Variants in NDFIP1 observed in about 807,000 individuals in gnomAD.
NDFIP1 encodes the protein NEDD4 family-interacting protein 1.
Under a neutral mutation model 28.8 loss-of-function variants are expected in NDFIP1, and 7 were observed. That is an observed-to-expected ratio of 0.24 (90% CI 0.14 to 0.46). The LOEUF (loss-of-function observed/expected upper bound fraction) is 0.46, where lower values mean the gene tolerates loss of function less well. Ranked by LOEUF, NDFIP1 falls within the 20% of genes least tolerant of loss-of-function variation. The pLI is 0.99. For synonymous variants in NDFIP1, 92 were observed against 101.0 expected (o/e 0.91, Z 0.53); for missense variants, 194 against 269.1 (o/e 0.72, Z 1.95).
At chr5:142,129,925 A>G (rs1158512095) in intron 1 of NDFIP1, among the ~76,000 whole-genome samples, 1 of 149,166 alleles carries the variant, frequency 6.7e-6, no homozygotes, top group African/African-American at 2.4e-5. Context: ...AAAAAAAAAA[A>G]AAAAAGAAAG....
intron 1 of NDFIP1, among the ~76,000 whole-genome samples, chr5:142,109,246 C>G (rs1167137938): frequency 1.3e-5 from 2 of 152,158 alleles, no homozygotes; most frequent in Admixed American, 6.5e-5. Context: ...AGGTGGGACT[C>G]CGGCGGTGGA....
intron 1 of NDFIP1, among the ~76,000 whole-genome samples, chr5:142,118,489 C>G (rs1388928237): frequency 6.6e-6 from 1 of 152,180 alleles, no homozygotes; most frequent in Non-Finnish European, 1.5e-5. Context: ...GTTCTCATCA[C>G]ATCATATCAA....
rs1200501423 is a variant in NDFIP1 at position 142,153,581 on chromosome 5, G to A, written c.*1853G>A. The A allele has an allele frequency of 7.2e-6, 2 of 278,504 alleles. No homozygotes were observed. The highest frequency in any genetic ancestry group is 7.1e-5 in the South Asian group (2 of 28,106). 17.3% of individuals were successfully genotyped at this position (278,504 alleles called of 1,614,324 possible). On this transcript the variant is annotated 3_prime_UTR_variant, in exon 8 of 8. Coordinates refer to ENST00000253814, the MANE Select transcript of NDFIP1 (RefSeq NM_030571.4). ...AGAAGTTATATTTGATAATAGAGAA[G>A]GGAGTTTTATGGAAGTTTCTTTGAA...
At chr5:142,138,942 G>A (rs1161749409) in intron 5 of NDFIP1, among the ~76,000 whole-genome samples, 4 of 151,618 alleles carry the variant, frequency 2.6e-5, no homozygotes, top group Non-Finnish European at 5.9e-5. Flanking sequence ...AATGGGCCGG[G>A]TGCGGTGGCT....
intron 7 of NDFIP1, among the ~76,000 whole-genome samples, chr5:142,146,535 G>A (rs1757391357): frequency 6.6e-6 from 1 of 152,082 alleles, no homozygotes; most frequent in Non-Finnish European, 1.5e-5. Flanking sequence ...CCTTATGAAG[G>A]GTGCTGAAAT....
rs1313448662 is a variant in NDFIP1, at chr5:142,112,397, G to A, written c.63+3360G>A. Among the ~76,000 whole-genome samples, 5 of 151,102 alleles carry A rather than the reference G, an allele frequency of 3.3e-5. No homozygotes were observed. In the South Asian group the frequency reaches 6.3e-4, roughly 19 times the overall value. On this transcript the variant is annotated intron_variant, in intron 1 of 7. Coordinates refer to ENST00000253814, the MANE Select transcript of NDFIP1 (RefSeq NM_030571.4). ...AGACTCTGTTTAAAAAAAAAAGCACGGTGTGGTGGTGCACATCTGTAACTC... is the reference window on the plus strand; with the variant it reads ...AGACTCTGTTTAAAAAAAAAAGCACAGTGTGGTGGTGCACATCTGTAACTC...
chr5:142,108,860 T>TGAGAAGAGCGTCTCGCCCGGGAGCGG lies in NDFIP1; in HGVS notation c.-115_-114insGAGAAGAGCGTCTCGCCCGGGAGCGG. On this transcript the variant is annotated 5_prime_UTR_variant, in exon 1 of 8. The change creates a new upstream start codon in the 5' untranslated region. Coordinates refer to ENST00000253814, the MANE Select transcript of NDFIP1 (RefSeq NM_030571.4). ...TCTCGCCCGGGAGCGGCGGCGGCCA[T>TGAGAAGAGCGTCTCGCCCGGGAGCGG]CGAGACCCACCCAAGGCGCGTCCCC... 3.3e-6 allele frequency: 3 copies of TGAGAAGAGCGTCTCGCCCGGGAGCGG among 910,802 alleles called. No individual in the cohort carries two copies. The highest frequency in any genetic ancestry group is 4.4e-6 in the Non-Finnish European group (3 of 675,320). The allele number at this position is 910,802 out of a possible 1,614,324, so 56.4% of individuals were successfully genotyped here. A position where few individuals can be genotyped will look rare whatever the true frequency, so the allele number is the denominator to read the frequency against.
Position 142,152,003 on chromosome 5 carries a change from A to G in NDFIP1, c.*275A>G, listed in dbSNP as rs1757451284. On this transcript the variant is annotated 3_prime_UTR_variant, in exon 8 of 8. Transcript: ENST00000253814. ...CTGTGATGTATTAATAATGCCTTAT[A>G]TATTGTTTGTAGTCATTTTAAGTAG... is the stretch of plus-strand genomic sequence containing the variant. The G allele has an allele frequency of 6.5e-6, 1 of 152,784 alleles. No homozygotes were observed. Among genetic ancestry groups the G allele is most frequent in the South Asian group, 2.1e-4 (1 of 4,826 alleles). 9.5% of individuals were successfully genotyped at this position (152,784 alleles called of 1,614,324 possible). A position where few individuals can be genotyped will look rare whatever the true frequency, so the allele number is the denominator to read the frequency against.
chr5:142,137,234 C>T (rs1158044922), intron 4 of NDFIP1, among the ~76,000 whole-genome samples: 1 of 152,194 alleles, frequency 6.6e-6, no homozygotes, highest in East Asian at 1.9e-4. Context: ...GATCACTTCT[C>T]AGTGTACCCT....
In NDFIP1 at chr5:142,131,833, A is replaced by T; in HGVS notation, c.89A>T (p.Glu30Val). 1 of 1,594,904 alleles carries T rather than the reference A, an allele frequency of 6.3e-7. No homozygotes were observed. The highest frequency in any genetic ancestry group is 8.5e-7 in the Non-Finnish European group (1 of 1,174,080). Residue 30 changes from glutamate (E) to valine (V), a missense_variant, in exon 2 of 8, where the codon GAA (glutamate) becomes GTA (valine). Transcript: ENST00000253814. ...TTGCAGAATGAAGAAGAGTCTGGAG[A>T]ACCTGAACAGGCTGCAGGTGATGCT... ...QQLQNEEESG[E>V]PEQAAGDAPP...
At chr5:142,113,099 A>T (rs1337793358) in intron 1 of NDFIP1, among the ~76,000 whole-genome samples, 1 of 152,218 alleles carries the variant, frequency 6.6e-6, no homozygotes, top group Non-Finnish European at 1.5e-5. Context: ...TGACACTGCC[A>T]TGTAGGTTCA....
At position 142,108,968 on chromosome 5, in the gene NDFIP1, C is replaced by T. The variant is rs956434519; in HGVS notation, c.-7C>T. On this transcript the variant is annotated 5_prime_UTR_variant, in exon 1 of 8. Transcript: ENST00000253814. ...GCTCGCTCTGCTTCCCTGCTGCCGG[C>T]TGCGCCATGGCGTTGGCGTTGGCGG... The T allele has an allele frequency of 2.8e-6, 4 of 1,442,612 alleles. No individual in the cohort carries two copies. In the African/African-American group the frequency reaches 5.9e-5, roughly 21 times the overall value. The allele number at this position is 1,442,612 out of a possible 1,614,324, so 89.4% of individuals were successfully genotyped here.
intron 3 of NDFIP1, among the ~76,000 whole-genome samples, chr5:142,133,672 A>G (rs1176070849): frequency 1.3e-5 from 2 of 152,258 alleles, no homozygotes; most frequent in Non-Finnish European, 1.5e-5. Context: ...ATTTGATACA[A>G]GTACATATTT....
chr5:142,154,057 T>A lies in NDFIP1; in HGVS notation c.*2329T>A, dbSNP rs557757712. 4 of 152,420 alleles carry A rather than the reference T, an allele frequency of 2.6e-5. No individual in the cohort carries two copies. The East Asian group carries it at 7.5e-4, about 29-fold the overall frequency. The allele number at this position is 152,420 out of a possible 1,614,324, so 9.4% of individuals were successfully genotyped here. ...AGTGGGCACCATATATCATCTAGAG[T>A]CCTTACTGGTATTCAGGATGAAAAT... On this transcript the variant is annotated 3_prime_UTR_variant, in exon 8 of 8. Coordinates refer to ENST00000253814, the MANE Select transcript of NDFIP1 (RefSeq NM_030571.4).
chr5:142,121,080 G>A (rs146842218), intron 1 of NDFIP1, among the ~76,000 whole-genome samples: 1 of 152,334 alleles, frequency 6.6e-6, no homozygotes, highest in East Asian at 1.9e-4. Flanking sequence ...CTGTCTTTCA[G>A]TGTCTACATT....
chr5:142,130,611 T>A (rs1171086583), intron 1 of NDFIP1, among the ~76,000 whole-genome samples: 2 of 151,160 alleles, frequency 1.3e-5, no homozygotes, highest in African/African-American at 2.4e-5. Flanking sequence ...ACATAAATTT[T>A]AAAAAAAGTT....
intron 7 of NDFIP1, among the ~76,000 whole-genome samples, chr5:142,149,350 T>A (rs1366491021): frequency 6.6e-6 from 1 of 152,104 alleles, no homozygotes; most frequent in Non-Finnish European, 1.5e-5. Flanking sequence ...CCAGTAGAAT[T>A]TTTGCTAAAC....
intron 1 of NDFIP1, among the ~76,000 whole-genome samples, chr5:142,122,869 G>A (rs913594195): frequency 2.0e-5 from 3 of 151,914 alleles, no homozygotes; most frequent in African/African-American, 7.3e-5. Flanking sequence ...TAAGTCCATT[G>A]TCTGAAAAAT....
chr5:142,118,683 G>T (rs867990361), intron 1 of NDFIP1, among the ~76,000 whole-genome samples: 1 of 152,122 alleles, frequency 6.6e-6, no homozygotes, highest in Non-Finnish European at 1.5e-5. Flanking sequence ...GTAACACCTC[G>T]CTGAGGGCCA....
Sources: gnomAD v4.1 joint callset for allele counts (sites outside exome capture counted in the v4.1 genomes callset) on GRCh38, gnomAD v4.1.1 for gene constraint, MANE v1.5 for transcripts, NCBI Gene and HGNC (gene_info 2026-07-23, HGNC 2026-07-21) for gene names.